The following ARF4 variants were observed in gnomAD, a reference collection of about 807,000 sequenced individuals.
ARF4 encodes ADP-ribosylation factor 4.
A neutral mutation model predicts 24.3 loss-of-function variants in ARF4; 5 were observed. The ratio of observed to expected loss-of-function variants is 0.21; its 90% CI spans 0.11 to 0.43. The LOEUF (loss-of-function observed/expected upper bound fraction) is 0.43, where lower values mean the gene tolerates loss of function less well. Among genes scored for constraint, ARF4 ranks in the 20% least tolerant of loss-of-function variants. The pLI is 1.00. For synonymous variants in ARF4, 62 were observed against 73.5 expected (o/e 0.84, Z 0.80); for missense variants, 107 against 213.0 (o/e 0.50, Z 3.10).
At chr3:57,592,092 C>T (rs2070123072) in intron 1 of ARF4, among the ~76,000 whole-genome samples, 1 of 152,218 alleles carries the variant, frequency 6.6e-6, no homozygotes, top group South Asian at 2.1e-4. Flanking sequence ...AAAAAATTTT[C>T]TAAAAAGCCA....
In ARF4 at chr3:57,572,077, G is replaced by A. The variant is rs1207750239; in HGVS notation, c.*135C>T. The A allele has an allele frequency of 3.1e-6, 2 of 651,286 alleles. No homozygotes were observed. Among genetic ancestry groups the A allele is most frequent in the Non-Finnish European group, 5.4e-6 (2 of 369,568 alleles). The allele number at this position is 651,286 out of a possible 1,614,324, so 40.3% of individuals were successfully genotyped here. On this transcript the variant is annotated 3_prime_UTR_variant, in exon 6 of 6. Coordinates refer to ENST00000303436, the MANE Select transcript of ARF4 (RefSeq NM_001660.4). ...CATTATACTCGGTAAACAATAATTG[G>A]CAACAAAATAAGTTTAATATTCTGC...
At chr3:57,584,879 G>C (rs556384101) in intron 1 of ARF4, among the ~76,000 whole-genome samples, 1 of 151,862 alleles carries the variant, frequency 6.6e-6, no homozygotes, top group African/African-American at 2.4e-5. Flanking sequence ...GCAGGGGAGC[G>C]GGGGGACGTA....
intron 1 of ARF4, among the ~76,000 whole-genome samples, chr3:57,596,423 G>A (rs1397084891): frequency 6.6e-6 from 1 of 152,134 alleles, no homozygotes; most frequent in Non-Finnish European, 1.5e-5. Flanking sequence ...AGAAATAGAA[G>A]ATAAGCTCAG....
chr3:57,587,234 G>A (rs532905768), intron 1 of ARF4, among the ~76,000 whole-genome samples: 28 of 149,584 alleles, frequency 1.9e-4, no homozygotes, highest in Admixed American at 3.4e-4. Context: ...CAGGAGACTC[G>A]CTTGAACCCA....
At chr3:57,574,727 TAAC>T (rs2069882428) in intron 5 of ARF4, among the ~76,000 whole-genome samples, 1 of 152,056 alleles carries the variant, frequency 6.6e-6, no homozygotes, top group Admixed American at 6.6e-5. Context: ...ACTGTTATGT[TAAC>T]AAGCAAACAA....
intron 1 of ARF4, among the ~76,000 whole-genome samples, chr3:57,589,363 G>A (rs1159987390): frequency 6.6e-6 from 1 of 152,084 alleles, no homozygotes; most frequent in Admixed American, 6.6e-5. Flanking sequence ...AGGGGATCAA[G>A]GCTGCAGCGA....
At chr3:57,584,567 G>C in intron 1 of ARF4, 103 bp from the exon 2 acceptor site, 1 of 983,184 alleles carries the variant, frequency 1.0e-6, no homozygotes, top group Non-Finnish European at 1.6e-6. Flanking sequence ...GACTGTTCAA[G>C]ACAACTTCTA....
intron 4 of ARF4, among the ~76,000 whole-genome samples, chr3:57,576,423 C>T (rs1036865648): frequency 6.7e-6 from 1 of 148,788 alleles, no homozygotes; most frequent in Non-Finnish European, 1.5e-5. Context: ...GATGGTTGTA[C>T]AACTATGTAT....
rs550719072 is a variant in ARF4 at position 57,571,970 on chromosome 3, G to A, written c.*242C>T. 113 of 426,134 alleles carry A rather than the reference G, an allele frequency of 2.7e-4. 1 individual carries two copies. The highest frequency in any genetic ancestry group is 1.6e-3 in the South Asian group (43 of 26,744). 26.4% of individuals were successfully genotyped at this position (426,134 alleles called of 1,614,324 possible). The stretch of plus-strand genomic sequence containing the variant: ...ACAAGAGCTATGTCCAGGCATTTAC[G>A]CTTATGGGAAGTAAAATTAAAAGAG... On this transcript the variant is annotated 3_prime_UTR_variant, in exon 6 of 6. Transcript: ENST00000303436.
At chr3:57,596,462 G>A (rs1210971150) in intron 1 of ARF4, 3 of 152,212 alleles carry the variant, frequency 2.0e-5, no homozygotes, top group African/African-American at 7.2e-5. Context: ...AACAAGGAGC[G>A]AAAAACTTGA....
chr3:57,586,188 C>A (rs2070034366), intron 1 of ARF4, among the ~76,000 whole-genome samples: 1 of 152,174 alleles, frequency 6.6e-6, no homozygotes, highest in Non-Finnish European at 1.5e-5. Context: ...CTCATTGAAT[C>A]TATCATTGTT....
chr3:57,573,770 CAG>C (rs1406207644), intron 5 of ARF4, among the ~76,000 whole-genome samples: 1 of 152,112 alleles, frequency 6.6e-6, no homozygotes, highest in Middle Eastern at 3.4e-3. Context: ...TTAGTAGAGA[CAG>C]AGTTTTACCA....
At chr3:57,574,918 G>A (rs1324467371) in intron 5 of ARF4, among the ~76,000 whole-genome samples, 2 of 150,520 alleles carry the variant, frequency 1.3e-5, no homozygotes, top group Admixed American at 6.6e-5. Flanking sequence ...GCGCGATCGC[G>A]ACTCACCGCA....
At chr3:57,576,610 A>G (rs1367195723) in intron 4 of ARF4, among the ~76,000 whole-genome samples, 2 of 151,344 alleles carry the variant, frequency 1.3e-5, no homozygotes, top group Non-Finnish European at 2.9e-5. Flanking sequence ...ATGGTTTTAC[A>G]AACTGCCCTC....
intron 1 of ARF4, among the ~76,000 whole-genome samples, chr3:57,585,931 T>G (rs1217314873): frequency 6.6e-6 from 1 of 152,034 alleles, no homozygotes; most frequent in Non-Finnish European, 1.5e-5. Flanking sequence ...CAAAGTGCTG[T>G]GATTACAGAT....
chr3:57,579,193 G>A (rs546190490), intron 3 of ARF4, among the ~76,000 whole-genome samples: 5 of 135,988 alleles, frequency 3.7e-5, no homozygotes, highest in Admixed American at 1.6e-4. Flanking sequence ...GGCGGAGGCT[G>A]CAGTGAGCCG....
intron 1 of ARF4, among the ~76,000 whole-genome samples, chr3:57,593,796 G>A (rs1272085237): frequency 7.2e-5 from 11 of 152,064 alleles, no homozygotes; most frequent in African/African-American, 4.8e-5. Flanking sequence ...AGCACTTTTC[G>A]AGGCCGAGGT....
intron 3 of ARF4, among the ~76,000 whole-genome samples, chr3:57,580,774 C>CT (rs113791293): frequency 0.17 from 23,729 of 140,700 alleles, 2,478 homozygotes; most frequent in East Asian, 0.49. Flanking sequence ...CATTTTTATT[C>CT]TTTTTTTTTT....
intron 5 of ARF4, among the ~76,000 whole-genome samples, chr3:57,572,721 T>C (rs1194504743): frequency 6.6e-6 from 1 of 152,080 alleles, no homozygotes; most frequent in Non-Finnish European, 1.5e-5. Context: ...TAGACAAGAT[T>C]TTCCCCCCTC....
Sources: gnomAD v4.1 joint callset for allele counts (sites outside exome capture counted in the v4.1 genomes callset) on GRCh38, gnomAD v4.1.1 for gene constraint, MANE v1.5 for transcripts, NCBI Gene and HGNC (gene_info 2026-07-23, HGNC 2026-07-21) for gene names.